Variants in NBPF26 observed in about 807,000 individuals in gnomAD.
NBPF26 encodes NBPF family member NBPF26.
NBPF26 carries 79 observed loss-of-function variants against 119.6 expected under a neutral mutation model. The observed-to-expected ratio is 0.66, with a 90% CI of 0.55 to 0.80. The LOEUF is 0.80. NBPF26 is among the 30% of genes least tolerant of loss of function. NBPF26 has a pLI of 0.00. For synonymous variants in NBPF26, 299 were observed against 457.7 expected (o/e 0.65, Z 4.43); for missense variants, 800 against 1,198.2 (o/e 0.67, Z 4.91).
chr1:120,745,244 G>GGTA (rs1650968887), intron 1 of NBPF26, among the ~76,000 whole-genome samples: 2 of 108,358 alleles, frequency 1.8e-5, no homozygotes, highest in South Asian at 5.2e-4. Context: ...GACCACGAAT[G>GGTA]GGTCATGAAA....
chr1:120,765,294 T>C (rs1217970475), intron 2 of NBPF26, among the ~76,000 whole-genome samples: 2,399 of 69,500 alleles, frequency 0.035, 276 homozygotes, highest in African/African-American at 0.14. Flanking sequence ...ATTTGGTGCC[T>C]TAGTTGCTTG....
At chr1:120,840,401 A>C (rs1652489267) in exon 30 of NBPF26, 6 of 1,464,666 alleles carry the variant, frequency 4.1e-6, no homozygotes, top group Non-Finnish European at 5.5e-6. Flanking sequence ...TGCAGGACTC[A>C]CTGGATATAT....
At chr1:120,817,415 A>ATTTTTTT (rs1163236235) in intron 14 of NBPF26, among the ~76,000 whole-genome samples, 3 of 1,096 alleles carry the variant, frequency 2.7e-3, no homozygotes, top group Non-Finnish European at 4.6e-3. Flanking sequence ...AGCATCGTGG[A>ATTTTTTT]TTTTTTTTTT....
chr1:120,758,990 T>C lies in NBPF26; in HGVS notation c.74-4638T>C, dbSNP rs1223141366. On this transcript the variant is annotated intron_variant, in intron 1 of 29. Transcript: ENST00000620612. ...TCCAATGGAACTTATCGCTTATTAC[T>C]GTCCTAAATTATTTTATTAATTTTT... Among the ~76,000 whole-genome samples the C allele has an allele frequency of 9.0e-5, 10 of 111,502 alleles. 2 individuals are homozygous for C. Among genetic ancestry groups the C allele is most frequent in the Non-Finnish European group, 1.2e-4 (7 of 59,532 alleles). 73.1% of individuals were successfully genotyped at this position (111,502 alleles called of 152,430 possible). A position where few individuals can be genotyped will look rare whatever the true frequency, so the allele number is the denominator to read the frequency against.
rs1553269689 is a variant in NBPF26 at position 120,805,576 on chromosome 1, G to A, written c.772G>A (p.Ala258Thr). 7.6e-6 allele frequency: 11 copies of A among 1,445,258 alleles called. 1 individual carries two copies. In the South Asian group the frequency reaches 1.3e-4, roughly 17 times the overall value. The allele number at this position is 1,445,258 out of a possible 1,614,324, so 89.5% of individuals were successfully genotyped here. A position where few individuals can be genotyped will look rare whatever the true frequency, so the allele number is the denominator to read the frequency against. ...CCCAGTCCCTGACTCCACCTCTTCT[G>A]CCACAAACGTCAGCATGGTGGTATC... Residue 258 changes from alanine to threonine, a missense_variant, in exon 5 of 30, where the codon GCC (alanine) becomes ACC (threonine). Ala to Thr is a moderately conservative substitution (Grantham distance 58). Around this residue, in one of 13 missense-constraint regions of NBPF26, gnomAD observed 155 missense variants for 143.7 expected, o/e 1.08. Coordinates refer to ENST00000620612, the Ensembl canonical transcript of NBPF26.
Position 120,840,348 on chromosome 1 carries a change from A to T in NBPF26, c.4104-2A>T, listed in dbSNP as rs2101557287. 1 of 1,445,854 alleles carries T rather than the reference A, an allele frequency of 6.9e-7. No homozygotes were observed. Among genetic ancestry groups the T allele is most frequent in the Non-Finnish European group, 9.2e-7 (1 of 1,082,750 alleles). 89.6% of individuals were successfully genotyped at this position (1,445,854 alleles called of 1,614,324 possible). A position where few individuals can be genotyped will look rare whatever the true frequency, so the allele number is the denominator to read the frequency against. On this transcript the variant is annotated splice_acceptor_variant, in intron 29 of 29. Coordinates refer to ENST00000620612, the Ensembl canonical transcript of NBPF26. LOFTEE classifies it high-confidence loss of function. The stretch of plus-strand genomic sequence containing the variant: ...CTTCTTTAGTTTTGTCTCCTTTTGC[A>T]GGCTCAACAGCATGCTGATGGAAGT...
rs1278965981 is a variant in NBPF26, at chr1:120,817,715, AGTT to A, written c.2372-404_2372-402del. Among the ~76,000 whole-genome samples, 4 of 86,208 alleles carry A rather than the reference AGTT, an allele frequency of 4.6e-5. 1 individual carries two copies. The highest frequency in any genetic ancestry group is 4.2e-3 in the Middle Eastern group (1 of 240). The allele number at this position is 86,208 out of a possible 152,430, so 56.6% of individuals were successfully genotyped here. Reference sequence around the variant, plus strand: ...AATCACAGATTCTTTTTAAAGCAAGAGTTGTTCAAATTTATCTATCAGTCGTGT... The same window carrying A: ...AATCACAGATTCTTTTTAAAGCAAGAGTTCAAATTTATCTATCAGTCGTGT... On this transcript the variant is annotated intron_variant, in intron 14 of 29. Coordinates refer to ENST00000620612, the Ensembl canonical transcript of NBPF26.
Position 120,840,498 on chromosome 1 carries a change from A to G in NBPF26, c.4252A>G (p.Ile1418Val). 33 of 1,478,208 alleles carry G rather than the reference A, an allele frequency of 2.2e-5. 6 individuals are homozygous for G. The South Asian group carries it at 2.9e-4, about 13-fold the overall frequency. The allele number at this position is 1,478,208 out of a possible 1,614,324, so 91.6% of individuals were successfully genotyped here. The change falls in exon 30 of 30, where the codon ATC becomes GTC. Residue 1418 changes from isoleucine (I) to valine (V), a missense_variant. Around this residue, in one of 13 missense-constraint regions of NBPF26, gnomAD observed 155 missense variants for 95.9 expected, o/e 1.62. Coordinates refer to ENST00000620612, the Ensembl canonical transcript of NBPF26. ...GTTTTACTCATTTGAGGAAGAGCATATCAGCTTCGCCCTTTACGTGGACAA... is the reference window on the plus strand; with the variant it reads ...GTTTTACTCATTTGAGGAAGAGCATGTCAGCTTCGCCCTTTACGTGGACAA...
At chr1:120,756,539 G>T (rs1410951854) in intron 1 of NBPF26, among the ~76,000 whole-genome samples, 2 of 116,462 alleles carry the variant, frequency 1.7e-5, no homozygotes, top group East Asian at 4.2e-4. Flanking sequence ...GACGACAGAG[G>T]CTTATTTGAA....
At chr1:120,795,936 GTGTGTGTGTGTGTA>G (rs1651546119) in intron 4 of NBPF26, among the ~76,000 whole-genome samples, 1 of 25,440 alleles carries the variant, frequency 3.9e-5, no homozygotes, top group Non-Finnish European at 7.9e-5. Flanking sequence ...GTGTGTGTGT[GTGTGTGTGTGTGTA>G]TATGCCGTTG....
rs1302677701 is a variant in NBPF26 at position 120,838,771 on chromosome 1, T to C, written c.3848T>C (p.Val1283Ala). The C allele has an allele frequency of 2.0e-4, 10 of 50,136 alleles. No individual in the cohort carries two copies. The African/African-American group carries it at 2.5e-3, about 13-fold the overall frequency. The allele number at this position is 50,136 out of a possible 1,614,324, so 3.1% of individuals were successfully genotyped here. ...CTCAGCAGGGAGCTGCTGGAGGTAG[T>C]AGAGCCTGAAGTCTTGCAGGACTCA... Residue 1283 changes from valine to alanine, a missense_variant, in exon 28 of 30, where the codon GTA (valine) becomes GCA (alanine). Around this residue, in one of 13 missense-constraint regions of NBPF26, gnomAD observed 1 missense variants for 72.1 expected, o/e 0.01. Transcript: ENST00000620612.
intron 9 of NBPF26, among the ~76,000 whole-genome samples, chr1:120,810,924 T>C (rs1171365463): frequency 9.3e-6 from 1 of 108,014 alleles, no homozygotes; most frequent in East Asian, 2.1e-4. Flanking sequence ...CTCTCTCTCC[T>C]TTTCATTGGC....
chr1:120,777,515 G>A (rs1651312624), intron 2 of NBPF26, among the ~76,000 whole-genome samples: 1 of 110,720 alleles, frequency 9.0e-6, no homozygotes, highest in Admixed American at 8.7e-5. Context: ...AACTAGTAAG[G>A]CCCTAGAAAA....
chr1:120,724,037 G>C lies in NBPF26; in HGVS notation c.-141G>C, dbSNP rs1292639731. On this transcript the variant is annotated 5_prime_UTR_variant, in exon 1 of 30. Transcript: ENST00000620612. ...GGCATTTGCACCTGGGCTTCGGAGC[G>C]TAGCGCCAGGGCCTGAGCCTTTGAA... The C allele has an allele frequency of 8.0e-6, 10 of 1,251,084 alleles. 1 individual carries two copies. In the East Asian group the frequency reaches 3.0e-4, roughly 38 times the overall value. The allele number at this position is 1,251,084 out of a possible 1,614,324, so 77.5% of individuals were successfully genotyped here.
Position 120,823,736 on chromosome 1 carries a change from A to G in NBPF26, c.2640-238A>G, listed in dbSNP as rs1410438762. ...CCCTCATCAGTGTGTCACCTGACCA[A>G]TTCACTGAGCTCGCTCTGTGTGTGT... On this transcript the variant is annotated intron_variant, in intron 17 of 29. Coordinates refer to ENST00000620612, the Ensembl canonical transcript of NBPF26. 3.6e-5 allele frequency among the ~76,000 whole-genome samples: 3 copies of G among 83,276 alleles called. 1 individual carries two copies. Among genetic ancestry groups the G allele is most frequent in the Non-Finnish European group, 6.8e-5 (3 of 44,110 alleles). The allele number at this position is 83,276 out of a possible 152,430, so 54.6% of individuals were successfully genotyped here.
intron 2 of NBPF26, among the ~76,000 whole-genome samples, chr1:120,764,298 T>C (rs1260075044): frequency 1.9e-5 from 2 of 105,956 alleles, no homozygotes; most frequent in African/African-American, 1.2e-4. Flanking sequence ...TTCCCTTGTG[T>C]TTTTCAGATT....
chr1:120,778,417 G>A lies in NBPF26; in HGVS notation c.156-6557G>A, dbSNP rs1651323282. On this transcript the variant is annotated intron_variant, in intron 2 of 29. Transcript: ENST00000620612. ...GAGTAAAGAGGAGCTTTAATGAGGA[G>A]CAGCTTCAGTGCCGACGCAACCCAC... Among the ~76,000 whole-genome samples, 3 of 111,432 alleles carry A rather than the reference G, an allele frequency of 2.7e-5. 1 individual carries two copies. The East Asian group carries it at 6.5e-4, about 24-fold the overall frequency. The allele number at this position is 111,432 out of a possible 152,430, so 73.1% of individuals were successfully genotyped here.
intron 4 of NBPF26, 24 bp downstream of exon 4, chr1:120,793,520 G>A: frequency 8.8e-7 from 1 of 1,136,284 alleles, no homozygotes; most frequent in East Asian, 2.5e-5. Context: ...TAGTGTCCCA[G>A]GATTAGGGGA....
intron 3 of NBPF26, among the ~76,000 whole-genome samples, chr1:120,792,588 G>A (rs1260248965): frequency 7.3e-5 from 8 of 108,986 alleles, no homozygotes; most frequent in Non-Finnish European, 1.1e-4. Flanking sequence ...TGCAACCTCC[G>A]CCTCCTGGGT....
Sources: allele counts gnomAD v4.1 joint callset (sites outside exome capture counted in the v4.1 genomes callset), GRCh38; gene constraint gnomAD v4.1.1; regional missense constraint gnomAD v4.1.1; transcripts MANE v1.5; gene names NCBI Gene and HGNC (gene_info 2026-07-23, HGNC 2026-07-21).